MPRIP: variants seen among roughly 807,000 people sequenced by gnomAD.
The protein encoded by MPRIP is myosin phosphatase Rho-interacting protein.
In MPRIP, 59 loss-of-function variants were observed where a neutral mutation model predicts 234.9. The ratio of observed to expected loss-of-function variants is 0.25; its 90% confidence interval spans 0.20 to 0.31. MPRIP has a LOEUF of 0.31. Among genes scored for constraint, MPRIP ranks in the 10% least tolerant of loss-of-function variants. The pLI, the probability that MPRIP is intolerant of heterozygous loss-of-function variation, is 1.00. For synonymous variants in MPRIP, 1,144 were observed against 1,263.9 expected (o/e 0.91, Z 2.01); for missense variants, 2,436 against 3,071.0 (o/e 0.79, Z 4.89).
At chr17:17,157,478 T>C (rs993540054) in intron 13 of MPRIP, among the ~76,000 whole-genome samples, 1 of 152,284 alleles carries the variant, frequency 6.6e-6, no homozygotes, top group East Asian at 1.9e-4. Flanking sequence ...CCCTCACCCT[T>C]AGGAGGTCCC....
At chr17:17,122,449 G>C (rs2090409391) in intron 3 of MPRIP, among the ~76,000 whole-genome samples, 1 of 152,212 alleles carries the variant, frequency 6.6e-6, no homozygotes, top group African/African-American at 2.4e-5. Context: ...CGCCTCCCGG[G>C]TTCACGCCAT....
In MPRIP at chr17:17,172,768, GATC is replaced by G. The variant is rs2046170344; in HGVS notation, c.6545_6547del (p.Ile2182del). On this transcript the variant is annotated inframe_deletion, in exon 18 of 24. Transcript: ENST00000651222. The stretch of plus-strand genomic sequence containing the variant: ...AGCTGGAGAAGAGCCAGCGGTCCCA[GATC>G]AGCAGCGTCAACTCGGATGTTGAGG... 6.2e-7 allele frequency: 1 copy of G among 1,612,460 alleles called. No individual in the cohort carries two copies. Among genetic ancestry groups the G allele is most frequent in the Non-Finnish European group, 8.5e-7 (1 of 1,180,028 alleles).
chr17:17,102,914 G>C (rs2089992450), intron 3 of MPRIP, among the ~76,000 whole-genome samples: 1 of 152,234 alleles, frequency 6.6e-6, no homozygotes, highest in Non-Finnish European at 1.5e-5. Flanking sequence ...CCTTCTGGGG[G>C]TGGACCTCTG....
chr17:17,105,810 G>T (rs927037442), intron 3 of MPRIP, among the ~76,000 whole-genome samples: 1 of 152,224 alleles, frequency 6.6e-6, no homozygotes, highest in Non-Finnish European at 1.5e-5. Flanking sequence ...TCCTTTCAAG[G>T]ATTTGATCTT....
chr17:17,115,818 G>A (rs1367824447), intron 3 of MPRIP, among the ~76,000 whole-genome samples: 3 of 152,102 alleles, frequency 2.0e-5, no homozygotes, highest in African/African-American at 7.2e-5. Context: ...CTGGGGTGGT[G>A]GCTTCAGACC....
At chr17:17,067,790 C>CTTTTTTTTTTTT (rs35187618) in intron 1 of MPRIP, among the ~76,000 whole-genome samples, 5 of 76,764 alleles carry the variant, frequency 6.5e-5, no homozygotes, top group Admixed American at 3.3e-4. Flanking sequence ...CTTCTTCTTC[C>CTTTTTTTTTTTT]TTTTTTTTTT....
chr17:17,121,124 GTTGT>G (rs1478116016), intron 3 of MPRIP, among the ~76,000 whole-genome samples: 3 of 152,198 alleles, frequency 2.0e-5, no homozygotes, highest in African/African-American at 7.2e-5. Flanking sequence ...ACAGTTCTGC[GTTGT>G]TTAATGACAG....
chr17:17,134,096 A>G (rs1376050416), intron 5 of MPRIP, among the ~76,000 whole-genome samples: 1 of 152,126 alleles, frequency 6.6e-6, no homozygotes, highest in African/African-American at 2.4e-5. Context: ...CCAGGCCCAC[A>G]TGTGTGTCTC....
At chr17:17,183,458 T>C (rs540769339) in intron 23 of MPRIP, among the ~76,000 whole-genome samples, 4 of 152,178 alleles carry the variant, frequency 2.6e-5, no homozygotes, top group Admixed American at 6.5e-5. Flanking sequence ...CATCGTGATC[T>C]GCCCGCCTCG....
In MPRIP at chr17:17,166,066, C is replaced by T; in HGVS notation, c.4475C>T (p.Ala1492Val). The T allele has an allele frequency of 2.3e-6, 3 of 1,301,244 alleles. No homozygotes were observed. The highest frequency in any genetic ancestry group is 3.0e-6 in the Non-Finnish European group (3 of 987,004). The allele number at this position is 1,301,244 out of a possible 1,614,324, so 80.6% of individuals were successfully genotyped here. Residue 1492 changes from alanine to valine, a missense_variant, in exon 16 of 24, where the codon GCC becomes GTC. Physicochemically the swap from Ala to Val is moderately conservative, Grantham distance 64. Transcript: ENST00000651222. This position sits in a 1 kb window ranked among gnomAD's most constrained non-coding sequence, Gnocchi z 4.4. ...CREQLRSLPRASQEDEQDARA... is the reference protein window; with the variant it reads ...CREQLRSLPRVSQEDEQDARA... ...GAACAACTGAGATCTCTGCCTAGGG[C>T]CAGCCAGGAGGATGAGCAGGACGCA...
rs1597497805 is a variant in MPRIP at position 17,167,663 on chromosome 17, C to T, written c.6072C>T (p.Tyr2024=). 2 of 1,304,260 alleles carry T rather than the reference C, an allele frequency of 1.5e-6. No individual in the cohort carries two copies. Among genetic ancestry groups the T allele is most frequent in the African/African-American group, 1.5e-5 (1 of 65,992 alleles). 80.8% of individuals were successfully genotyped at this position (1,304,260 alleles called of 1,614,324 possible). A position where few individuals can be genotyped will look rare whatever the true frequency, so the allele number is the denominator to read the frequency against. ...AGCTGAGGACCCTGCAGGAGCACTA[C>T]TCGCAGAGCCTGAGGTGCCTTCAGG... ...EEELRTLQEH[Y]SQSLRCLQDT... is the part of the protein sequence containing the mutation. The change falls in exon 16 of 24, where the codon TAC becomes TAT. Residue 2024 remains tyrosine (Y), a synonymous_variant. Coordinates refer to ENST00000651222, the MANE Select transcript of MPRIP (RefSeq NM_001364716.4). This position sits in a 1 kb window ranked among gnomAD's most constrained non-coding sequence, Gnocchi z 5.9.
Position 17,042,805 on chromosome 17 carries a change from A to C in MPRIP, c.-44A>C, listed in dbSNP as rs1213923794. The C allele has an allele frequency of 8.2e-7, 1 of 1,212,904 alleles. No individual in the cohort carries two copies. The highest frequency in any genetic ancestry group is 1.0e-6 in the Non-Finnish European group (1 of 957,908). The allele number at this position is 1,212,904 out of a possible 1,614,324, so 75.1% of individuals were successfully genotyped here. On this transcript the variant is annotated 5_prime_UTR_variant, in exon 1 of 24. Transcript: ENST00000651222. ...GCCCGCCGGGAGCGCCAGGCCGGCC[A>C]GGCCTGCGCCGCCGCCGCCGCCGCC...
intron 1 of MPRIP, among the ~76,000 whole-genome samples, chr17:17,053,492 T>C (rs774507107): frequency 1.3e-5 from 2 of 152,130 alleles, no homozygotes; most frequent in East Asian, 3.9e-4. Context: ...CAATAAACCA[T>C]GTAGTATGGA....
chr17:17,164,669 G>A lies in MPRIP; in HGVS notation c.3078G>A (p.Leu1026=), dbSNP rs1171302234. The change falls in exon 16 of 24, where the codon CTG becomes CTA. Residue 1026 remains leucine (L), a synonymous_variant. Transcript: ENST00000651222. ...TGCAGAGAAACTATGAGCTGCTGCT[G>A]GAGAGCTGTGAGAAGGAGAAGCAGG... ...EKLQRNYELL[L]ESCEKEKQAL... is the part of the protein sequence containing the mutation. 2.2e-5 allele frequency: 27 copies of A among 1,251,850 alleles called. No homozygotes were observed. In the Admixed American group the frequency reaches 6.2e-4, roughly 29 times the overall value. 77.5% of individuals were successfully genotyped at this position (1,251,850 alleles called of 1,614,324 possible). A position where few individuals can be genotyped will look rare whatever the true frequency, so the allele number is the denominator to read the frequency against.
intron 1 of MPRIP, among the ~76,000 whole-genome samples, chr17:17,066,723 C>CTTTTTTTTTTTTTTTTTTTTGTTTTTT (rs2089038059): frequency 2.7e-5 from 1 of 36,636 alleles, no homozygotes; most frequent in Non-Finnish European, 6.0e-5. Flanking sequence ...CTTTTTTCAT[C>CTTTTTTTTTTTTTTTTTTTTGTTTTTT]TTTTTTTTTT....
intron 8 of MPRIP, among the ~76,000 whole-genome samples, chr17:17,143,084 C>A (rs1410618284): frequency 6.6e-6 from 1 of 152,240 alleles, no homozygotes; most frequent in African/African-American, 2.4e-5. Flanking sequence ...TTCAGTACAA[C>A]TACACCCCTC....
intron 1 of MPRIP, among the ~76,000 whole-genome samples, chr17:17,068,863 C>T (rs2089122493): frequency 1.3e-5 from 2 of 152,056 alleles, no homozygotes; most frequent in Admixed American, 1.3e-4. Context: ...TTATTATTTC[C>T]TTCTTTTTCT....
chr17:17,143,939 C>T (rs1207378927), intron 9 of MPRIP, among the ~76,000 whole-genome samples: 1 of 152,254 alleles, frequency 6.6e-6, no homozygotes, highest in Non-Finnish European at 1.5e-5. Context: ...GCTAGGCAGA[C>T]TCCCGACTCT....
chr17:17,167,594 G>A lies in MPRIP; in HGVS notation c.6003G>A (p.Arg2001=), dbSNP rs1452009374. ...AGCAGATACAGACCCTGGAGGACAG[G>A]TTCCAGCTCAAGGTCCGGGAGCTGC... ...HGEQIQTLED[R]FQLKVRELQT... Residue 2001 remains arginine (R), a synonymous_variant, in exon 16 of 24, where the codon AGG becomes AGA. Transcript: ENST00000651222. This position sits in a 1 kb window ranked among gnomAD's most constrained non-coding sequence, Gnocchi z 5.9. The A allele has an allele frequency of 7.7e-7, 1 of 1,304,268 alleles. No individual in the cohort carries two copies. The highest frequency in any genetic ancestry group is 1.0e-6 in the Non-Finnish European group (1 of 988,948). 80.8% of individuals were successfully genotyped at this position (1,304,268 alleles called of 1,614,324 possible).
Sources: gnomAD v4.1 joint callset for allele counts (sites outside exome capture counted in the v4.1 genomes callset) on GRCh38, gnomAD v4.1.1 for gene constraint, Gnocchi (gnomAD v3.1) non-coding constraint, MANE v1.5 for transcripts, NCBI Gene and HGNC (gene_info 2026-07-23, HGNC 2026-07-21) for gene names.